Variants in CSMD1 observed in about 807,000 individuals in gnomAD.
CSMD1 encodes CUB and sushi domain-containing protein 1.
In CSMD1, 213 loss-of-function variants were observed where a neutral mutation model predicts 417.5. The ratio of observed to expected loss-of-function variants is 0.51; its 90% CI spans 0.46 to 0.57. The LOEUF (loss-of-function observed/expected upper bound fraction) is 0.57, where lower values mean the gene tolerates loss of function less well. Ranked by LOEUF, CSMD1 falls within the 20% of genes least tolerant of loss-of-function variation. The pLI is 0.00. For missense variants in CSMD1, 6,923 were observed against 4,529.7 expected, an observed-to-expected ratio of 1.53 and a Z score of -15.17; for synonymous variants, 2,862 against 1,736.8, an observed-to-expected ratio of 1.65 and a Z score of -16.11.
chr8:4,797,002 C>T (rs1302724170), intron 1 of CSMD1, among the ~76,000 whole-genome samples: 11 of 152,134 alleles, frequency 7.2e-5, no homozygotes. Flanking sequence ...AAGTGAGGTA[C>T]ATCTTATTCC....
chr8:3,645,887 T>A (rs949984283), intron 7 of CSMD1, among the ~76,000 whole-genome samples: 2 of 152,232 alleles, frequency 1.3e-5, no homozygotes, highest in African/African-American at 4.8e-5. Flanking sequence ...AAATTACATA[T>A]GAATACTATA....
At chr8:4,778,416 C>T (rs533964859) in intron 1 of CSMD1, among the ~76,000 whole-genome samples, 7 of 152,180 alleles carry the variant, frequency 4.6e-5, no homozygotes, top group South Asian at 4.1e-4. Context: ...TCTAGAGCTC[C>T]GGTGGTAATT....
At chr8:4,091,939 T>A (rs1800743725) in intron 3 of CSMD1, among the ~76,000 whole-genome samples, 1 of 152,182 alleles carries the variant, frequency 6.6e-6, no homozygotes, top group Non-Finnish European at 1.5e-5. Context: ...TTTAAAAATG[T>A]CATTGAGGAA....
chr8:3,953,948 C>T (rs369865093), intron 5 of CSMD1, among the ~76,000 whole-genome samples: 40 of 152,312 alleles, frequency 2.6e-4, no homozygotes, highest in African/African-American at 8.2e-4. Flanking sequence ...CTCTGGGTCT[C>T]GCCTTAGGCT....
chr8:3,162,281 G>A lies in CSMD1; in HGVS notation c.5726-4C>T, dbSNP rs764029895. 2 of 1,563,234 alleles carry A rather than the reference G, an allele frequency of 1.3e-6. No individual in the cohort carries two copies. Among genetic ancestry groups the A allele is most frequent in the Admixed American group, 3.5e-5 (2 of 57,498 alleles). ...TGGCATGCAGCAAGACCTACAGCTAGAAATGCAAAGACAAATGCTAGAAAT... is the reference window on the plus strand; with the variant it reads ...TGGCATGCAGCAAGACCTACAGCTAAAAATGCAAAGACAAATGCTAGAAAT... On this transcript the variant is annotated splice_region_variant and splice_polypyrimidine_tract_variant and intron_variant, in intron 37 of 69. Coordinates refer to ENST00000635120, the MANE Select transcript of CSMD1 (RefSeq NM_033225.6).
At chr8:3,324,812 G>A (rs115652590) in intron 23 of CSMD1, among the ~76,000 whole-genome samples, 1 of 152,106 alleles carries the variant, frequency 6.6e-6, no homozygotes, top group Non-Finnish European at 1.5e-5. Flanking sequence ...ATTTACTATT[G>A]AATGGTGCTA....
intron 1 of CSMD1, among the ~76,000 whole-genome samples, chr8:4,759,101 G>T (rs960581265): frequency 1.3e-5 from 2 of 152,272 alleles, no homozygotes; most frequent in South Asian, 4.1e-4. Context: ...AAAGAGTGAG[G>T]GAAATGCATT....
At chr8:4,905,796 G>A (rs1157749202) in intron 1 of CSMD1, among the ~76,000 whole-genome samples, 1 of 145,280 alleles carries the variant, frequency 6.9e-6, no homozygotes, top group Admixed American at 7.1e-5. Context: ...CTCCAGCCTG[G>A]GCCACAGAGC....
intron 3 of CSMD1, among the ~76,000 whole-genome samples, chr8:4,398,539 G>A (rs897265738): frequency 1.1e-4 from 17 of 151,496 alleles, no homozygotes; most frequent in African/African-American, 2.4e-4. Context: ...GACTACAGGC[G>A]CCCGCCACCA....
chr8:4,179,031 C>G (rs1490974778), intron 3 of CSMD1, among the ~76,000 whole-genome samples: 4 of 152,064 alleles, frequency 2.6e-5, no homozygotes, highest in Admixed American at 2.0e-4. Flanking sequence ...CAATGCCATC[C>G]CCATCAAGCT....
At chr8:3,205,396 T>C (rs1373670529) in intron 31 of CSMD1, 108 bp downstream of exon 31, 18 of 616,212 alleles carry the variant, frequency 2.9e-5, no homozygotes, top group Non-Finnish European at 4.5e-5. Context: ...CATTTGCTTT[T>C]ATATGAAATA....
chr8:3,013,682 G>A (rs1020575736), intron 52 of CSMD1, among the ~76,000 whole-genome samples: 5 of 151,928 alleles, frequency 3.3e-5, no homozygotes, highest in Non-Finnish European at 7.4e-5. Flanking sequence ...AACCCAGGAG[G>A]TGGAGGTTGC....
At chr8:3,520,048 A>G (rs1368535159) in intron 10 of CSMD1, among the ~76,000 whole-genome samples, 5 of 151,146 alleles carry the variant, frequency 3.3e-5, no homozygotes, top group Admixed American at 6.6e-5. Flanking sequence ...ATACACGTAT[A>G]GTTGTGAAAC....
At chr8:4,191,028 G>A (rs1317968895) in intron 3 of CSMD1, among the ~76,000 whole-genome samples, 2 of 152,038 alleles carry the variant, frequency 1.3e-5, no homozygotes, top group African/African-American at 2.4e-5. Context: ...AGTCATCTGT[G>A]CAACAAACCC....
chr8:4,689,165 C>G (rs1806594294), intron 1 of CSMD1, among the ~76,000 whole-genome samples: 1 of 152,160 alleles, frequency 6.6e-6, no homozygotes, highest in South Asian at 2.1e-4. Flanking sequence ...TAACAGGCCC[C>G]AAATCTGGAA....
intron 3 of CSMD1, among the ~76,000 whole-genome samples, chr8:4,366,626 C>T (rs1273919630): frequency 6.6e-6 from 1 of 152,036 alleles, no homozygotes; most frequent in East Asian, 1.9e-4. Flanking sequence ...GCAATTTTGA[C>T]TCATGAGAGA....
intron 1 of CSMD1, among the ~76,000 whole-genome samples, chr8:4,828,186 G>A (rs984927356): frequency 2.0e-5 from 3 of 152,090 alleles, no homozygotes; most frequent in East Asian, 3.9e-4. Context: ...TCATTTAAGT[G>A]TTTTCAAAGC....
chr8:3,942,633 G>C (rs1247402756), intron 5 of CSMD1, among the ~76,000 whole-genome samples: 3 of 152,238 alleles, frequency 2.0e-5, no homozygotes, highest in Non-Finnish European at 2.9e-5. Flanking sequence ...CTACTTACTG[G>C]TTAGCCTCAG....
intron 1 of CSMD1, among the ~76,000 whole-genome samples, chr8:4,797,722 T>A (rs1299698256): frequency 6.6e-6 from 1 of 152,160 alleles, no homozygotes; most frequent in African/African-American, 2.4e-5. Flanking sequence ...CCTCCTTAAC[T>A]GGGATAGGTA....
Sources: allele counts gnomAD v4.1 joint callset (sites outside exome capture counted in the v4.1 genomes callset), GRCh38; gene constraint gnomAD v4.1.1; transcripts MANE v1.5; gene names NCBI Gene and HGNC (gene_info 2026-07-23, HGNC 2026-07-21).